DDHD1: variants seen among roughly 807,000 people sequenced by gnomAD.
DDHD1 encodes the protein phospholipase DDHD1.
Under a neutral mutation model 96.4 loss-of-function variants are expected in DDHD1, and 49 were observed. The ratio of observed to expected loss-of-function variants is 0.51; its 90% CI spans 0.40 to 0.64. The LOEUF is 0.64. Among genes scored for constraint, DDHD1 ranks in the 30% least tolerant of loss-of-function variants. The pLI is 0.00. For missense variants in DDHD1, 1,106 were observed against 1,161.2 expected (o/e 0.95, Z 0.69); for synonymous variants, 442 against 446.5 (o/e 0.99, Z 0.13).
intron 1 of DDHD1, among the ~76,000 whole-genome samples, chr14:53,123,908 A>G (rs1051449797): frequency 1.3e-5 from 2 of 152,202 alleles, no homozygotes; most frequent in African/African-American, 4.8e-5. Flanking sequence ...TAAAAATAAT[A>G]AGCTGACAAT....
chr14:53,074,400 A>G (rs1201815500), intron 4 of DDHD1, among the ~76,000 whole-genome samples: 1 of 151,752 alleles, frequency 6.6e-6, no homozygotes, highest in East Asian at 1.9e-4. Flanking sequence ...CTATTCTTTT[A>G]GTAGTCACTC....
rs1210075713 is a variant in DDHD1 at position 53,038,764 on chromosome 14, A to G, written c.*8004T>C. The G allele has an allele frequency of 6.6e-6, 1 of 152,190 alleles. No homozygotes were observed. Among genetic ancestry groups the G allele is most frequent in the Non-Finnish European group, 1.5e-5 (1 of 68,002 alleles). 9.4% of individuals were successfully genotyped at this position (152,190 alleles called of 1,614,324 possible). On this transcript the variant is annotated 3_prime_UTR_variant, in exon 13 of 13. Transcript: ENST00000673822. The stretch of plus-strand genomic sequence containing the variant: ...CCAAAGCAGAAAGAACAAAGCCAGC[A>G]GCATCACACAGATGTGGCTTCAAAC...
chr14:53,130,436 GC>G (rs1889782618), intron 1 of DDHD1, among the ~76,000 whole-genome samples: 1 of 152,220 alleles, frequency 6.6e-6, no homozygotes, highest in South Asian at 2.1e-4. Context: ...ACCCAGAGGG[GC>G]CAGAAGTCCG....
At chr14:53,048,514 A>G (rs1419979889) in intron 12 of DDHD1, 2 of 151,700 alleles carry the variant, frequency 1.3e-5, no homozygotes, top group African/African-American at 4.8e-5. Flanking sequence ...ATTTTTTTGT[A>G]TTTTTAGTAC....
At chr14:53,114,830 C>T (rs907669867) in intron 1 of DDHD1, among the ~76,000 whole-genome samples, 13 of 152,150 alleles carry the variant, frequency 8.5e-5, no homozygotes, top group African/African-American at 2.4e-4. Context: ...TCCAAATTAT[C>T]GCAACTCCTC....
Position 53,087,067 on chromosome 14 carries a change from C to T in DDHD1, c.1289+4718G>A, listed in dbSNP as rs569770796. Among the ~76,000 whole-genome samples the T allele has an allele frequency of 1.5e-4, 22 of 149,896 alleles. No individual in the cohort carries two copies. In the South Asian group the frequency reaches 3.0e-3, roughly 20 times the overall value. ...AAAGATCGAAAGAGACAAAGAAGGA[C>T]GTTACATAATGGTAAAGGGATCAAT... On this transcript the variant is annotated intron_variant, in intron 4 of 12. Coordinates refer to ENST00000673822, the MANE Select transcript of DDHD1 (RefSeq NM_001160148.2).
intron 1 of DDHD1, among the ~76,000 whole-genome samples, chr14:53,114,129 C>A (rs1049946835): frequency 1.3e-5 from 2 of 152,210 alleles, no homozygotes; most frequent in South Asian, 2.1e-4. Context: ...GAATTCACCA[C>A]AGCGGGGCAA....
chr14:53,114,464 G>C (rs374706869), intron 1 of DDHD1, among the ~76,000 whole-genome samples: 92 of 152,254 alleles, frequency 6.0e-4, no homozygotes, highest in African/African-American at 2.1e-3. Flanking sequence ...AACAGGGTCT[G>C]ACAGACACCT....
intron 1 of DDHD1, among the ~76,000 whole-genome samples, chr14:53,150,605 C>T (rs1891276251): frequency 6.6e-6 from 1 of 152,190 alleles, no homozygotes; most frequent in African/African-American, 2.4e-5. Context: ...GGGTAAGATT[C>T]ATCTCTTGGT....
chr14:53,143,681 AAAT>A (rs1193459752), intron 1 of DDHD1, among the ~76,000 whole-genome samples: 2 of 152,220 alleles, frequency 1.3e-5, no homozygotes, highest in Non-Finnish European at 2.9e-5. Flanking sequence ...AAACACCTTC[AAAT>A]AAGGAAGAGG....
intron 4 of DDHD1, among the ~76,000 whole-genome samples, chr14:53,077,507 G>GTT (rs1885073619): frequency 6.6e-6 from 1 of 151,962 alleles, no homozygotes; most frequent in Non-Finnish European, 1.5e-5. Flanking sequence ...AAGTCATTAG[G>GTT]TTTTATATAT....
intron 1 of DDHD1, among the ~76,000 whole-genome samples, chr14:53,116,350 G>C (rs193069895): frequency 6.6e-5 from 10 of 152,162 alleles, no homozygotes; most frequent in African/African-American, 2.4e-4. Context: ...TTCAGGACTT[G>C]AACTCAACTC....
chr14:53,063,648 T>C (rs766835815), intron 6 of DDHD1, among the ~76,000 whole-genome samples: 21 of 152,240 alleles, frequency 1.4e-4, no homozygotes, highest in Non-Finnish European at 2.2e-4. Flanking sequence ...CTTATGATAA[T>C]AGGTATACTA....
At chr14:53,140,486 G>A (rs1192639871) in intron 1 of DDHD1, among the ~76,000 whole-genome samples, 1 of 152,086 alleles carries the variant, frequency 6.6e-6, no homozygotes, top group Non-Finnish European at 1.5e-5. Flanking sequence ...AGCTGAGATT[G>A]TGCCACTGCA....
intron 2 of DDHD1, among the ~76,000 whole-genome samples, chr14:53,094,601 A>T (rs1388063125): frequency 6.6e-6 from 1 of 151,904 alleles, no homozygotes; most frequent in African/African-American, 2.4e-5. Flanking sequence ...GCTACTTGGG[A>T]GGCTGAGGCA....
chr14:53,054,701 AATT>A, intron 10 of DDHD1, 72 bp from the exon 11 acceptor site: 1 of 1,463,252 alleles, frequency 6.8e-7, no homozygotes, highest in Admixed American at 1.9e-5. Context: ...CACCACCCAT[AATT>A]ATAGCCAACT....
chr14:53,070,737 G>T (rs1299076475), intron 6 of DDHD1, among the ~76,000 whole-genome samples: 1 of 152,068 alleles, frequency 6.6e-6, no homozygotes, highest in Non-Finnish European at 1.5e-5. Context: ...AAATAAACCT[G>T]TTAACTCTGA....
At position 53,091,952 on chromosome 14, in the gene DDHD1, C is replaced by A; in HGVS notation, c.1142-20G>T. The A allele has an allele frequency of 1.9e-6, 3 of 1,587,552 alleles. No individual in the cohort carries two copies. The highest frequency in any genetic ancestry group is 2.6e-6 in the Non-Finnish European group (3 of 1,164,526). On this transcript the variant is annotated intron_variant, in intron 3 of 12. Transcript: ENST00000673822. ...TTGATGCTGTAGAAAAATTATAATTCTAAGTTTACTATTTAATCTGAGAAA... is the reference window on the plus strand; with the variant it reads ...TTGATGCTGTAGAAAAATTATAATTATAAGTTTACTATTTAATCTGAGAAA...
At chr14:53,114,940 G>C (rs1888430221) in intron 1 of DDHD1, among the ~76,000 whole-genome samples, 1 of 152,190 alleles carries the variant, frequency 6.6e-6, no homozygotes, top group African/African-American at 2.4e-5. Flanking sequence ...AGCTAAAGGA[G>C]CATGTCCTAA....
Sources: gnomAD v4.1 joint callset for allele counts (sites outside exome capture counted in the v4.1 genomes callset) on GRCh38, gnomAD v4.1.1 for gene constraint, MANE v1.5 for transcripts, NCBI Gene and HGNC (gene_info 2026-07-23, HGNC 2026-07-21) for gene names.